Variants in DSCAML1 observed in about 807,000 individuals in gnomAD.
DSCAML1 encodes cell adhesion molecule DSCAML1.
DSCAML1 carries 38 observed loss-of-function variants against 200.5 expected under a neutral mutation model. That is an observed-to-expected ratio of 0.19 (90% CI 0.15 to 0.25). DSCAML1 has a LOEUF of 0.25. Ranked by LOEUF, DSCAML1 falls within the 10% of genes least tolerant of loss-of-function variation. The probability of loss-of-function intolerance (pLI) is 1.00; values close to 1 mark genes in which losing one functional copy is unlikely to be tolerated. For missense variants in DSCAML1, 2,223 were observed against 2,858.8 expected (o/e 0.78, Z 5.07); for synonymous variants, 1,215 against 1,165.0 (o/e 1.04, Z -0.87).
intron 3 of DSCAML1, among the ~76,000 whole-genome samples, chr11:117,558,146 C>A (rs559252291): frequency 6.6e-6 from 1 of 152,142 alleles, no homozygotes; most frequent in Admixed American, 6.5e-5. Flanking sequence ...AGGCACAGGG[C>A]AGTGCCGGGT....
chr11:117,505,460 C>A lies in DSCAML1; in HGVS notation c.2056G>T (p.Val686Leu). Residue 686 changes from valine to leucine, a missense_variant, in exon 9 of 33, where the codon GTG (valine) becomes TTG (leucine). Transcript: ENST00000651296. The surrounding 1 kb of genome is among the most constrained non-coding windows in gnomAD (Gnocchi z 6.7). ...ATVSRERQLIVRVPPRFVVQP... is the reference protein window; with the variant it reads ...ATVSRERQLILRVPPRFVVQP... ...CTGGCCTGTCCCTGCTCACCACGCACGATGAGCTGGCGCTCCCGGCTCACG... is the reference window on the plus strand; with the variant it reads ...CTGGCCTGTCCCTGCTCACCACGCAAGATGAGCTGGCGCTCCCGGCTCACG... 6.2e-7 allele frequency: 1 copy of A among 1,610,114 alleles called. No individual in the cohort carries two copies.
At chr11:117,581,431 C>A (rs972866633) in intron 3 of DSCAML1, among the ~76,000 whole-genome samples, 5 of 152,144 alleles carry the variant, frequency 3.3e-5, no homozygotes, top group Non-Finnish European at 7.3e-5. Flanking sequence ...CCCTGCCAAA[C>A]CCCTTCGTGT....
chr11:117,815,422 T>A (rs2134092588), intron 1 of DSCAML1, among the ~76,000 whole-genome samples: 1 of 152,310 alleles, frequency 6.6e-6, no homozygotes, highest in Admixed American at 6.5e-5. Context: ...CGGTGTGGTC[T>A]GCACTGAGCT....
intron 3 of DSCAML1, among the ~76,000 whole-genome samples, chr11:117,578,479 T>G (rs2050989520): frequency 6.6e-6 from 1 of 151,866 alleles, no homozygotes; most frequent in African/African-American, 2.4e-5. Context: ...AAGACCAGTC[T>G]CGCCAACAGA....
chr11:117,558,945 G>A (rs1004751494), intron 3 of DSCAML1, among the ~76,000 whole-genome samples: 8 of 152,158 alleles, frequency 5.3e-5, no homozygotes, highest in African/African-American at 1.7e-4. Context: ...ACCAGGGCCA[G>A]GTGGTGGTGC....
At chr11:117,464,386 C>G (rs2048538312) in intron 17 of DSCAML1, among the ~76,000 whole-genome samples, 1 of 152,124 alleles carries the variant, frequency 6.6e-6, no homozygotes, top group South Asian at 2.1e-4. Context: ...TCCTCCTAAC[C>G]CTCTCCTCCT....
At chr11:117,615,233 A>G (rs1215502261) in intron 3 of DSCAML1, among the ~76,000 whole-genome samples, 1 of 152,200 alleles carries the variant, frequency 6.6e-6, no homozygotes, top group African/African-American at 2.4e-5. Flanking sequence ...AACGGAGGTG[A>G]CAATAATGTT....
At chr11:117,750,274 C>T (rs750410214) in intron 3 of DSCAML1, among the ~76,000 whole-genome samples, 2 of 152,172 alleles carry the variant, frequency 1.3e-5, no homozygotes, top group Non-Finnish European at 2.9e-5. Flanking sequence ...TACTCCTGAC[C>T]GAGCGGGGAT....
intron 3 of DSCAML1, among the ~76,000 whole-genome samples, chr11:117,532,924 A>T (rs1300417173): frequency 6.6e-6 from 1 of 151,868 alleles, no homozygotes; most frequent in Non-Finnish European, 1.5e-5. Flanking sequence ...CAGGAATTGG[A>T]GTTGGAGACT....
chr11:117,721,724 T>G (rs1483381371), intron 3 of DSCAML1, among the ~76,000 whole-genome samples: 2 of 147,484 alleles, frequency 1.4e-5, no homozygotes. Flanking sequence ...ATATATCATA[T>G]ATCATATATA....
chr11:117,541,420 G>A (rs933048085), intron 3 of DSCAML1, among the ~76,000 whole-genome samples: 3 of 152,236 alleles, frequency 2.0e-5, no homozygotes, highest in Non-Finnish European at 2.9e-5. Flanking sequence ...AACATCTGAT[G>A]TGTTGAATCA....
chr11:117,532,255 T>A (rs2050094584), intron 4 of DSCAML1, 121 bp downstream of exon 4: 2 of 949,516 alleles, frequency 2.1e-6, no homozygotes. Context: ...AATCTCTTTC[T>A]CTGATTTCCC....
chr11:117,612,236 C>T (rs1363497382), intron 3 of DSCAML1, among the ~76,000 whole-genome samples: 5 of 152,194 alleles, frequency 3.3e-5, no homozygotes, highest in Admixed American at 3.3e-4. Flanking sequence ...ACTGGGCAGG[C>T]AAAGTTGAGA....
At position 117,780,244 on chromosome 11, in the gene DSCAML1, GAAAGAAAGAAAGAAA is replaced by G. The variant is rs2055217256; in HGVS notation, c.364+234_364+248del. Among the ~76,000 whole-genome samples the G allele has an allele frequency of 2.6e-4, 18 of 69,604 alleles. No individual in the cohort carries two copies. Among genetic ancestry groups the G allele is most frequent in the Non-Finnish European group, 4.8e-4 (15 of 31,076 alleles). 45.7% of individuals were successfully genotyped at this position (69,604 alleles called of 152,430 possible). A position where few individuals can be genotyped will look rare whatever the true frequency, so the allele number is the denominator to read the frequency against. ...GAAAGAAAGAAAGGAAAGAAAGAAA[GAAAGAAAGAAAGAAA>G]GAAAGAAAGAAAGAAAGAAAGAAAG... On this transcript the variant is annotated intron_variant, in intron 2 of 32. Coordinates refer to ENST00000651296, the MANE Select transcript of DSCAML1 (RefSeq NM_020693.4). This position sits in a 1 kb window ranked among gnomAD's most constrained non-coding sequence, Gnocchi z 4.8.
At chr11:117,567,422 G>A (rs1207603842) in intron 3 of DSCAML1, among the ~76,000 whole-genome samples, 3 of 151,976 alleles carry the variant, frequency 2.0e-5, no homozygotes, top group Non-Finnish European at 4.4e-5. Flanking sequence ...TTTTTGATGG[G>A]GTGGTTTGTT....
intron 16 of DSCAML1, among the ~76,000 whole-genome samples, chr11:117,468,048 A>G (rs2048618102): frequency 6.6e-6 from 1 of 152,170 alleles, no homozygotes; most frequent in African/African-American, 2.4e-5. Flanking sequence ...ACATATTTAT[A>G]CAAATCTTCA....
At chr11:117,532,256 C>T in intron 4 of DSCAML1, 120 bp downstream of exon 4, 1 of 954,506 alleles carries the variant, frequency 1.0e-6, no homozygotes, top group Non-Finnish European at 1.5e-6. Flanking sequence ...ATCTCTTTCT[C>T]TGATTTCCCT....
chr11:117,523,188 A>G (rs888527753), intron 5 of DSCAML1, among the ~76,000 whole-genome samples: 4 of 152,194 alleles, frequency 2.6e-5, no homozygotes, highest in Non-Finnish European at 5.9e-5. Flanking sequence ...ACACTGGTGC[A>G]GGAGCTGTGA....
rs960576522 is a variant in DSCAML1 at position 117,489,666 on chromosome 11, C to G, written c.2360-7504G>C. 6.6e-6 allele frequency among the ~76,000 whole-genome samples: 1 copy of G among 152,200 alleles called. No individual in the cohort carries two copies. The highest frequency in any genetic ancestry group is 1.5e-5 in the Non-Finnish European group (1 of 68,024). ...AAGCCTCAGTTACAGTCCCCAGCAC[C>G]TGCTACAGTGCCTGGCACTGTGATG... On this transcript the variant is annotated intron_variant, in intron 11 of 32. Coordinates refer to ENST00000651296, the MANE Select transcript of DSCAML1 (RefSeq NM_020693.4). The surrounding 1 kb of genome is among the most constrained non-coding windows in gnomAD (Gnocchi z 4.8).
Sources: gnomAD v4.1 joint callset for allele counts (sites outside exome capture counted in the v4.1 genomes callset) on GRCh38, gnomAD v4.1.1 for gene constraint, Gnocchi (gnomAD v3.1) non-coding constraint, MANE v1.5 for transcripts, NCBI Gene and HGNC (gene_info 2026-07-23, HGNC 2026-07-21) for gene names.